Variants in THSD7A observed in about 807,000 individuals in gnomAD.
The protein encoded by THSD7A is thrombospondin type-1 domain-containing protein 7A.
A neutral mutation model predicts 231.3 loss-of-function variants in THSD7A; 96 were observed. That is an observed-to-expected ratio of 0.41 (90% confidence interval 0.35 to 0.49). THSD7A has a LOEUF of 0.49. THSD7A is among the 20% of genes least tolerant of loss of function. The pLI, the probability that THSD7A is intolerant of heterozygous loss-of-function variation, is 0.05. For missense variants in THSD7A, 2,290 were observed against 2,070.2 expected (o/e 1.11, Z -2.06); for synonymous variants, 940 against 743.3 (o/e 1.26, Z -4.30).
intron 1 of THSD7A, among the ~76,000 whole-genome samples, chr7:11,651,252 G>C (rs1221860516): frequency 3.3e-5 from 5 of 151,996 alleles, no homozygotes; most frequent in African/African-American, 1.2e-4. Flanking sequence ...AGAGACAGAA[G>C]ATAGAGTGGT....
Position 11,411,148 on chromosome 7 carries a change from T to A in THSD7A, c.3798+59A>T. 1 of 1,346,044 alleles carries A rather than the reference T, an allele frequency of 7.4e-7. No homozygotes were observed. The highest frequency in any genetic ancestry group is 1.1e-6 in the Non-Finnish European group (1 of 949,822). 83.4% of individuals were successfully genotyped at this position (1,346,044 alleles called of 1,614,324 possible). A position where few individuals can be genotyped will look rare whatever the true frequency, so the allele number is the denominator to read the frequency against. On this transcript the variant is annotated intron_variant, in intron 19 of 27. Coordinates refer to ENST00000423059, the MANE Select transcript of THSD7A (RefSeq NM_015204.3). The surrounding 1 kb of genome is among the most constrained non-coding windows in gnomAD (Gnocchi z 4.1). ...GGAGCACGGGTCACTTGGCTCAGCA[T>A]GAATTGAAATTATTAGGGAAGAATT...
chr7:11,628,316 C>T (rs1264356639), intron 2 of THSD7A, among the ~76,000 whole-genome samples: 1 of 152,122 alleles, frequency 6.6e-6, no homozygotes, highest in Non-Finnish European at 1.5e-5. Flanking sequence ...GTAATCTAAC[C>T]TCCAGAGGTG....
intron 4 of THSD7A, among the ~76,000 whole-genome samples, chr7:11,560,785 G>C (rs1327559407): frequency 7.0e-6 from 1 of 143,304 alleles, no homozygotes; most frequent in Non-Finnish European, 1.6e-5. Context: ...AACTACGGGT[G>C]TGTTCCTGGT....
intron 2 of THSD7A, among the ~76,000 whole-genome samples, chr7:11,630,621 T>G (rs955839795): frequency 6.6e-6 from 1 of 152,196 alleles, no homozygotes; most frequent in Non-Finnish European, 1.5e-5. Flanking sequence ...TAAATCTGTC[T>G]TATTCCCTCA....
chr7:11,529,727 C>G (rs1788624872), intron 6 of THSD7A, among the ~76,000 whole-genome samples: 1 of 152,270 alleles, frequency 6.6e-6, no homozygotes, highest in Admixed American at 6.5e-5. Context: ...AATTAAACCT[C>G]TTTCCTTTAT....
At chr7:11,771,298 A>T (rs1303577883) in intron 1 of THSD7A, among the ~76,000 whole-genome samples, 1 of 151,818 alleles carries the variant, frequency 6.6e-6, no homozygotes, top group Non-Finnish European at 1.5e-5. Flanking sequence ...ATAAGTGATC[A>T]CAACGATCAA....
chr7:11,692,994 TTTTGTTTG>T (rs531274089), intron 1 of THSD7A, among the ~76,000 whole-genome samples: 1 of 151,498 alleles, frequency 6.6e-6, no homozygotes, highest in Non-Finnish European at 1.5e-5. Flanking sequence ...TATAAGGTTT[TTTTGTTTG>T]TTTGTTTGTT....
chr7:11,817,713 AGC>A (rs1784748296), intron 1 of THSD7A, among the ~76,000 whole-genome samples: 1 of 152,240 alleles, frequency 6.6e-6, no homozygotes, highest in Non-Finnish European at 1.5e-5. Context: ...ATTTATCTCA[AGC>A]TATCTTTAAA....
chr7:11,662,878 G>A (rs1044615443), intron 1 of THSD7A, among the ~76,000 whole-genome samples: 11 of 151,328 alleles, frequency 7.3e-5, no homozygotes, highest in Non-Finnish European at 1.5e-4. Flanking sequence ...AAATAAAAAT[G>A]TGCCACATTA....
chr7:11,530,149 G>A (rs1160956921), intron 6 of THSD7A, among the ~76,000 whole-genome samples: 1 of 152,074 alleles, frequency 6.6e-6, no homozygotes, highest in Admixed American at 6.5e-5. Context: ...TGCTGTGAGA[G>A]GAATCCTTCA....
chr7:11,786,104 G>C (rs1783783576), intron 1 of THSD7A, among the ~76,000 whole-genome samples: 1 of 148,040 alleles, frequency 6.8e-6, no homozygotes, highest in African/African-American at 2.6e-5. Context: ...ATCTTCAATT[G>C]CTCTTTCTCC....
intron 1 of THSD7A, among the ~76,000 whole-genome samples, chr7:11,660,805 T>G (rs1429261141): frequency 2.0e-5 from 3 of 151,498 alleles, no homozygotes; most frequent in African/African-American, 4.8e-5. Flanking sequence ...AGTCTTTTAC[T>G]TCTAACTGTG....
chr7:11,829,655 A>G (rs901074908), intron 1 of THSD7A, among the ~76,000 whole-genome samples: 1 of 151,966 alleles, frequency 6.6e-6, no homozygotes, highest in Admixed American at 6.6e-5. Context: ...TTGCCTCTTT[A>G]TTTTCATCAA....
chr7:11,417,316 A>C (rs1783994050), intron 17 of THSD7A, 134 bp downstream of exon 17: 1 of 847,214 alleles, frequency 1.2e-6, no homozygotes, highest in African/African-American at 1.7e-5. Context: ...GAGAAGACAC[A>C]CCTTGCTTTG....
At chr7:11,829,538 C>T (rs978873616) in intron 1 of THSD7A, among the ~76,000 whole-genome samples, 3 of 152,078 alleles carry the variant, frequency 2.0e-5, no homozygotes, top group African/African-American at 7.2e-5. Flanking sequence ...ATTCAATAAT[C>T]TCACCATTAA....
chr7:11,799,533 G>T (rs962916253), intron 1 of THSD7A, among the ~76,000 whole-genome samples: 2 of 152,046 alleles, frequency 1.3e-5, no homozygotes, highest in African/African-American at 4.8e-5. Context: ...TTATTAGAAA[G>T]TAATTTTTTT....
chr7:11,710,766 T>C (rs1443575865), intron 1 of THSD7A, among the ~76,000 whole-genome samples: 1 of 150,892 alleles, frequency 6.6e-6, no homozygotes, highest in Non-Finnish European at 1.5e-5. Flanking sequence ...CATGCCCCTA[T>C]TTACAGACTA....
chr7:11,526,937 C>T (rs1788499533), intron 6 of THSD7A, among the ~76,000 whole-genome samples: 1 of 152,126 alleles, frequency 6.6e-6, no homozygotes, highest in South Asian at 2.1e-4. Context: ...CTCTCTATTG[C>T]ACTCACCTTA....
intron 6 of THSD7A, among the ~76,000 whole-genome samples, chr7:11,483,534 T>G (rs957999405): frequency 6.6e-6 from 1 of 152,144 alleles, no homozygotes; most frequent in Non-Finnish European, 1.5e-5. Flanking sequence ...TGTATCCCAA[T>G]TAAAAAAATG....
Sources: gnomAD v4.1 joint callset for allele counts (sites outside exome capture counted in the v4.1 genomes callset) on GRCh38, gnomAD v4.1.1 for gene constraint, Gnocchi (gnomAD v3.1) non-coding constraint, MANE v1.5 for transcripts, NCBI Gene and HGNC (gene_info 2026-07-23, HGNC 2026-07-21) for gene names.